UNC13B: variants seen among roughly 807,000 people sequenced by gnomAD.
UNC13B encodes the protein protein unc-13 homolog B.
A neutral mutation model predicts 211.0 loss-of-function variants in UNC13B; 144 were observed. That is an observed-to-expected ratio of 0.68 (90% CI 0.60 to 0.78). The LOEUF (loss-of-function observed/expected upper bound fraction) is 0.78. Ranked by LOEUF, UNC13B falls within the 30% of genes least tolerant of loss-of-function variation. UNC13B has a pLI of 0.00. For missense variants in UNC13B, 1,777 were observed against 2,002.0 expected (o/e 0.89, Z 2.14); for synonymous variants, 709 against 725.8 (o/e 0.98, Z 0.37).
At chr9:35,312,098 C>A (rs1471590072) in intron 10 of UNC13B, among the ~76,000 whole-genome samples, 1 of 152,140 alleles carries the variant, frequency 6.6e-6, no homozygotes, top group Non-Finnish European at 1.5e-5. Flanking sequence ...AAAACTGTCT[C>A]CTGACAGATT....
intron 19 of UNC13B, 56 bp downstream of exon 19, chr9:35,381,271 G>A: frequency 6.8e-7 from 1 of 1,476,474 alleles, no homozygotes; most frequent in Non-Finnish European, 9.3e-7. Flanking sequence ...AGAGGCCTTT[G>A]GCCATAAGTA....
At chr9:35,195,928 A>G (rs1009108037) in intron 1 of UNC13B, among the ~76,000 whole-genome samples, 1 of 152,270 alleles carries the variant, frequency 6.6e-6, no homozygotes, top group African/African-American at 2.4e-5. Flanking sequence ...ATGTAAAAAT[A>G]TAGCTGAATA....
rs1459407604 is a variant in UNC13B, at chr9:35,303,870, T to C, written c.4466T>C (p.Val1489Ala). Reference sequence around the variant, plus strand: ...CATGAAAAGACTACATGCCCCGTAGTTGATCAAGAATCATTAAGAATGGAT... The same window carrying C: ...CATGAAAAGACTACATGCCCCGTAGCTGATCAAGAATCATTAAGAATGGAT... ...SDHEKTTCPVVDQESLRMDEN... is the reference protein window; with the variant it reads ...SDHEKTTCPVADQESLRMDEN... Residue 1489 changes from valine (V) to alanine (A), a missense_variant, in exon 9 of 40, where the codon GTT (valine) becomes GCT (alanine). Physicochemically the swap from Val to Ala is moderately conservative, Grantham distance 64 (BLOSUM62 0). Transcript: ENST00000635942. The C allele has an allele frequency of 1.5e-5, 6 of 398,696 alleles. No homozygotes were observed. Among genetic ancestry groups the C allele is most frequent in the Non-Finnish European group, 2.7e-5 (6 of 225,856 alleles). 24.7% of individuals were successfully genotyped at this position (398,696 alleles called of 1,614,324 possible). A position where few individuals can be genotyped will look rare whatever the true frequency, so the allele number is the denominator to read the frequency against.
chr9:35,396,645 G>T (rs1835897604), intron 27 of UNC13B, 43 bp downstream of exon 27: 1 of 1,611,650 alleles, frequency 6.2e-7, no homozygotes, highest in Non-Finnish European at 8.5e-7. Flanking sequence ...GGAGCCCTCT[G>T]GGTGGGCAGG....
chr9:35,306,274 C>T lies in UNC13B; in HGVS notation c.6870C>T (p.Thr2290=). ...CACCTTGTATTTCCATTAACAACAC[C>T]ATTGAGGTTACCTCCCTTGCAGATG... ...QMAPCISINN[T]IEVTSLADEL... Residue 2290 remains threonine (T), a synonymous_variant, in exon 9 of 40, where the codon ACC becomes ACT. Transcript: ENST00000635942. 2.5e-6 allele frequency: 1 copy of T among 399,026 alleles called. No homozygotes were observed. The highest frequency in any genetic ancestry group is 4.4e-6 in the Non-Finnish European group (1 of 226,064). 24.7% of individuals were successfully genotyped at this position (399,026 alleles called of 1,614,324 possible). A position where few individuals can be genotyped will look rare whatever the true frequency, so the allele number is the denominator to read the frequency against.
chr9:35,327,014 T>C (rs1170810515), intron 11 of UNC13B, among the ~76,000 whole-genome samples: 3 of 152,238 alleles, frequency 2.0e-5, no homozygotes, highest in African/African-American at 7.2e-5. Flanking sequence ...CCTGTTCCTT[T>C]TTAATTTTTT....
chr9:35,310,711 G>A lies in UNC13B; in HGVS notation c.9253G>A (p.Glu3085Lys). 1 of 1,614,048 alleles carries A rather than the reference G, an allele frequency of 6.2e-7. No homozygotes were observed. Among genetic ancestry groups the A allele is most frequent in the Non-Finnish European group, 8.5e-7 (1 of 1,180,016 alleles). The change falls in exon 10 of 40, where the codon GAA becomes AAA. Residue 3085 changes from glutamate (E) to lysine (K), a missense_variant. Physicochemically the swap from Glu to Lys is moderately conservative, Grantham distance 56. Transcript: ENST00000635942. ...EAACEPKEMK[E>K]DATTHPPPDL... is the part of the protein sequence containing the mutation. ...AGCATGTGAACCCAAGGAGATGAAA[G>A]AAGATGCCACAACCCACCCTCCCCC...
chr9:35,358,327 G>A (rs539482032), intron 11 of UNC13B, among the ~76,000 whole-genome samples: 1 of 152,168 alleles, frequency 6.6e-6, no homozygotes, highest in Non-Finnish European at 1.5e-5. Context: ...CCCCAAAGTG[G>A]ATTGATCAAA....
intron 1 of UNC13B, among the ~76,000 whole-genome samples, chr9:35,175,018 G>C (rs930745607): frequency 6.6e-6 from 1 of 150,492 alleles, no homozygotes; most frequent in South Asian, 2.1e-4. Context: ...GGCTTGTCTC[G>C]AACTCCTGGG....
rs115504925 is a variant in UNC13B, at chr9:35,218,073, G to A, written c.23-9942G>A. ...AGAAAAAATTATAACCTGTAAGGGA[G>A]TCTAGGCAATGAGTACCTGGCATTT... is the stretch of plus-strand genomic sequence containing the variant. On this transcript the variant is annotated intron_variant, in intron 1 of 39. Transcript: ENST00000635942. Among the ~76,000 whole-genome samples, 1,297 of 152,116 alleles carry A rather than the reference G, an allele frequency of 8.5e-3. 13 individuals are homozygous for A. Among genetic ancestry groups the A allele is most frequent in the African/African-American group, 0.03 (1,228 of 41,472 alleles).
intron 1 of UNC13B, among the ~76,000 whole-genome samples, chr9:35,182,372 C>T (rs1821984234): frequency 6.6e-6 from 1 of 151,502 alleles, no homozygotes; most frequent in Non-Finnish European, 1.5e-5. Flanking sequence ...GCTTCTGTGA[C>T]CCCCCCTTTT....
intron 1 of UNC13B, 45 bp downstream of exon 1, chr9:35,162,350 G>C: frequency 2.6e-6 from 4 of 1,517,230 alleles, no homozygotes; most frequent in African/African-American, 2.8e-5. Context: ...TCGGCGTAGA[G>C]GTCCCCGCAC....
chr9:35,321,727 T>A (rs76807069), intron 11 of UNC13B, among the ~76,000 whole-genome samples: 2 of 152,124 alleles, frequency 1.3e-5, no homozygotes, highest in East Asian at 1.9e-4. Context: ...TCTTGAACTC[T>A]TAGCCTCAGG....
At chr9:35,374,704 T>C (rs1440414125) in intron 13 of UNC13B, among the ~76,000 whole-genome samples, 1 of 152,204 alleles carries the variant, frequency 6.6e-6, no homozygotes, top group African/African-American at 2.4e-5. Flanking sequence ...TAGCATGGAA[T>C]CATTTTTCTC....
At chr9:35,200,248 A>G (rs936357255) in intron 1 of UNC13B, among the ~76,000 whole-genome samples, 7 of 152,154 alleles carry the variant, frequency 4.6e-5, no homozygotes, top group African/African-American at 1.7e-4. Context: ...GCCTTGTAGT[A>G]TAGTTTGAAG....
At chr9:35,185,725 G>C (rs1167761880) in intron 1 of UNC13B, among the ~76,000 whole-genome samples, 1 of 151,198 alleles carries the variant, frequency 6.6e-6, no homozygotes, top group African/African-American at 2.4e-5. Context: ...TTCGAGACCA[G>C]TCTGGCCTAA....
At position 35,268,228 on chromosome 9, in the gene UNC13B, T is replaced by G. The variant is rs79522445; in HGVS notation, c.526+9178T>G. On this transcript the variant is annotated intron_variant, in intron 7 of 39. Coordinates refer to ENST00000635942, the MANE Select transcript of UNC13B (RefSeq NM_001371189.2). ...GAGGTGGAGAGGGGAAGGAGTGACC[T>G]CTCTTCACCAACAATTGCTCTCCCA... 1.7e-4 allele frequency among the ~76,000 whole-genome samples: 26 copies of G among 152,256 alleles called. No homozygotes were observed. The East Asian group carries it at 4.5e-3, about 26-fold the overall frequency.
chr9:35,178,137 A>T (rs954630117), intron 1 of UNC13B, among the ~76,000 whole-genome samples: 1 of 152,222 alleles, frequency 6.6e-6, no homozygotes, highest in Non-Finnish European at 1.5e-5. Context: ...ACTCAGCATC[A>T]TCATTATAAT....
chr9:35,244,005 G>T (rs1384889383), intron 6 of UNC13B, among the ~76,000 whole-genome samples: 1 of 152,050 alleles, frequency 6.6e-6, no homozygotes, highest in Non-Finnish European at 1.5e-5. Flanking sequence ...TGAAGTTGAG[G>T]TTTGAATGGG....
Sources: gnomAD v4.1 joint callset for allele counts (sites outside exome capture counted in the v4.1 genomes callset) on GRCh38, gnomAD v4.1.1 for gene constraint, MANE v1.5 for transcripts, NCBI Gene and HGNC (gene_info 2026-07-23, HGNC 2026-07-21) for gene names.